Variants in LRP1B observed in about 807,000 individuals in gnomAD.
LRP1B encodes the protein LDL receptor related protein 1B, also known as low-density lipoprotein receptor-related protein 1B.
Under a neutral mutation model 556.6 loss-of-function variants are expected in LRP1B, and 217 were observed. The observed-to-expected ratio is 0.39, with a 90% CI of 0.35 to 0.44. The LOEUF is 0.44. Among genes scored for constraint, LRP1B ranks in the 20% least tolerant of loss-of-function variants. The probability of loss-of-function intolerance (pLI) is 1.00; values close to 1 mark genes in which losing one functional copy is unlikely to be tolerated. For missense variants in LRP1B, 5,053 were observed against 5,620.8 expected (o/e 0.90, Z 3.23); for synonymous variants, 2,047 against 1,865.8 (o/e 1.10, Z -2.50).
At chr2:141,331,854 G>A (rs1392425767) in intron 3 of LRP1B, among the ~76,000 whole-genome samples, 1 of 152,128 alleles carries the variant, frequency 6.6e-6, no homozygotes, top group Non-Finnish European at 1.5e-5. Context: ...CCAAACATCT[G>A]TCCCCTTCCC....
chr2:141,967,439 T>A (rs1472875907), intron 1 of LRP1B, among the ~76,000 whole-genome samples: 1 of 151,922 alleles, frequency 6.6e-6, no homozygotes, highest in Non-Finnish European at 1.5e-5. Context: ...AGTTACTGGA[T>A]GAAATATAGA....
intron 1 of LRP1B, among the ~76,000 whole-genome samples, chr2:141,911,079 A>G (rs1391249628): frequency 6.6e-6 from 1 of 152,042 alleles, no homozygotes; most frequent in Non-Finnish European, 1.5e-5. Flanking sequence ...TGAATTTTTG[A>G]CTCAAAATAC....
At chr2:141,018,933 G>A (rs1697987963) in intron 12 of LRP1B, among the ~76,000 whole-genome samples, 1 of 151,788 alleles carries the variant, frequency 6.6e-6, no homozygotes, top group Non-Finnish European at 1.5e-5. Flanking sequence ...GGTTTATAAG[G>A]GATTCACATG....
intron 84 of LRP1B, among the ~76,000 whole-genome samples, chr2:140,288,108 T>G (rs1005684696): frequency 6.6e-6 from 1 of 150,424 alleles, no homozygotes; most frequent in Non-Finnish European, 1.5e-5. Context: ...TTCTCTCATC[T>G]TTATACCCTT....
At chr2:140,730,515 A>T (rs1264737154) in intron 35 of LRP1B, among the ~76,000 whole-genome samples, 1 of 152,182 alleles carries the variant, frequency 6.6e-6, no homozygotes, top group Non-Finnish European at 1.5e-5. Context: ...TTAAACAGTT[A>T]TAATACTTTC....
chr2:140,407,935 C>A (rs1036817913), intron 66 of LRP1B, among the ~76,000 whole-genome samples: 1 of 151,848 alleles, frequency 6.6e-6, no homozygotes, highest in African/African-American at 2.4e-5. Context: ...ATCTATGTGT[C>A]CATCAATCAA....
rs377719459 is a variant in LRP1B, at chr2:141,977,379, C to T, written c.82+153269G>A. Among the ~76,000 whole-genome samples the T allele has an allele frequency of 4.3e-4, 66 of 152,174 alleles. No homozygotes were observed. The East Asian group carries it at 7.6e-3, about 17-fold the overall frequency. On this transcript the variant is annotated intron_variant, in intron 1 of 90. Coordinates refer to ENST00000389484, the MANE Select transcript of LRP1B (RefSeq NM_018557.3). ...CTGAGATCAGGAGTTCAAGACCAGC[C>T]TGGCCAGCATGGTGAATCCCTGTCT...
intron 66 of LRP1B, among the ~76,000 whole-genome samples, chr2:140,402,768 CTG>C (rs1158786853): frequency 4.6e-5 from 7 of 152,204 alleles, no homozygotes; most frequent in Admixed American, 4.6e-4. Flanking sequence ...ATTTATCTAT[CTG>C]CTTTACCTAC....
At chr2:140,603,042 T>C (rs1257596907) in intron 41 of LRP1B, among the ~76,000 whole-genome samples, 2 of 152,036 alleles carry the variant, frequency 1.3e-5, no homozygotes, top group South Asian at 4.1e-4. Flanking sequence ...TATGGGTTTA[T>C]AATGGTTACT....
At chr2:140,339,937 A>G (rs1215926857) in intron 77 of LRP1B, among the ~76,000 whole-genome samples, 3 of 151,622 alleles carry the variant, frequency 2.0e-5, no homozygotes, top group Non-Finnish European at 4.4e-5. Context: ...TAAGGCTGCA[A>G]TGATCTACAT....
Position 140,550,023 on chromosome 2 carries a change from C to T in LRP1B, c.7195-8052G>A, listed in dbSNP as rs150115560. Among the ~76,000 whole-genome samples the T allele has an allele frequency of 3.6e-3, 547 of 152,064 alleles. 4 individuals carry two copies. The highest frequency in any genetic ancestry group is 0.013 in the African/African-American group (530 of 41,474). Reference sequence around the variant, plus strand: ...CCCTCCCCTAGCCCCCACCCTCTGACGGGCCCCGATATGTGATGTTCCCCT... The same window carrying T: ...CCCTCCCCTAGCCCCCACCCTCTGATGGGCCCCGATATGTGATGTTCCCCT... On this transcript the variant is annotated intron_variant, in intron 43 of 90. Transcript: ENST00000389484.
chr2:140,519,833 T>A (rs1690080276), intron 49 of LRP1B, among the ~76,000 whole-genome samples: 1 of 152,146 alleles, frequency 6.6e-6, no homozygotes, highest in African/African-American at 2.4e-5. Flanking sequence ...AAAGAAGACA[T>A]TTATGCAGCC....
chr2:141,035,745 T>C (rs1366353343), intron 11 of LRP1B, among the ~76,000 whole-genome samples: 1 of 152,116 alleles, frequency 6.6e-6, no homozygotes, highest in East Asian at 1.9e-4. Flanking sequence ...CTTTTATTTT[T>C]TTGTTAAAAA....
intron 2 of LRP1B, among the ~76,000 whole-genome samples, chr2:141,785,316 GCTCAGT>G (rs939481876): frequency 6.6e-6 from 1 of 151,940 alleles, no homozygotes; most frequent in Non-Finnish European, 1.5e-5. Context: ...TAACTAAGTT[GCTCAGT>G]CTCAGAGTTT....
At position 140,613,399 on chromosome 2, in the gene LRP1B, A is replaced by AT. The variant is rs201789188; in HGVS notation, c.6800-11761_6800-11760insA. Reference sequence around the variant, plus strand: ...TATATAATTATATACATATAAATATAAATAATTATATACATATAAATATAT... The same window carrying AT: ...TATATAATTATATACATATAAATATATAATAATTATATACATATAAATATAT... On this transcript the variant is annotated intron_variant, in intron 41 of 90. Transcript: ENST00000389484. Among the ~76,000 whole-genome samples the AT allele has an allele frequency of 9.0e-3, 1,278 of 141,906 alleles. 209 individuals carry two copies. The highest frequency in any genetic ancestry group is 0.013 in the Non-Finnish European group (826 of 65,112). The allele number at this position is 141,906 out of a possible 152,430, so 93.1% of individuals were successfully genotyped here.
chr2:141,106,005 G>T (rs1033532391), intron 7 of LRP1B, among the ~76,000 whole-genome samples: 1 of 152,054 alleles, frequency 6.6e-6, no homozygotes, highest in Non-Finnish European at 1.5e-5. Context: ...TCTGCCAGCT[G>T]CTCTCTTCCT....
chr2:141,576,764 A>AG (rs1334590639), intron 2 of LRP1B, among the ~76,000 whole-genome samples: 1 of 131,960 alleles, frequency 7.6e-6, no homozygotes, highest in Non-Finnish European at 1.7e-5. Flanking sequence ...AAAAAAAAAA[A>AG]AAAAAAAGCT....
intron 41 of LRP1B, among the ~76,000 whole-genome samples, chr2:140,665,736 T>C (rs1685243705): frequency 1.3e-5 from 2 of 152,138 alleles, no homozygotes; most frequent in African/African-American, 4.8e-5. Flanking sequence ...AAGAAAACTG[T>C]GTATGTCATG....
rs1477465608 is a variant in LRP1B at position 141,434,737 on chromosome 2, G to A, written c.343+45659C>T. ...CAAATCTTCATACGAATCCTAGCTG[G>A]TGGTATTGATAGGTCAGTTGTTATT... On this transcript the variant is annotated intron_variant, in intron 3 of 90. Coordinates refer to ENST00000389484, the MANE Select transcript of LRP1B (RefSeq NM_018557.3). 5.8e-5 allele frequency among the ~76,000 whole-genome samples: 8 copies of A among 136,866 alleles called. No individual in the cohort carries two copies. The East Asian group carries it at 1.7e-3, about 29-fold the overall frequency. The allele number at this position is 136,866 out of a possible 152,430, so 89.8% of individuals were successfully genotyped here. A position where few individuals can be genotyped will look rare whatever the true frequency, so the allele number is the denominator to read the frequency against.
Sources: allele counts gnomAD v4.1 joint callset (sites outside exome capture counted in the v4.1 genomes callset), GRCh38; gene constraint gnomAD v4.1.1; transcripts MANE v1.5; gene names NCBI Gene and HGNC (gene_info 2026-07-23, HGNC 2026-07-21).